The following RASA2 variants were observed in gnomAD, a reference collection of about 807,000 sequenced individuals.
RASA2 encodes RAS p21 protein activator 2.
RASA2 carries 155 observed loss-of-function variants against 118.2 expected under a neutral mutation model. That is an observed-to-expected ratio of 1.31 (90% CI 1.15 to 1.50). The LOEUF (loss-of-function observed/expected upper bound fraction) is 1.50. RASA2 is among the 40% of genes most tolerant of loss of function. The pLI is 0.00. For missense variants in RASA2, 1,016 were observed against 1,009.6 expected (o/e 1.01, Z -0.09); for synonymous variants, 353 against 349.1 (o/e 1.01, Z -0.12).
In RASA2 at chr3:141,489,751, C is replaced by A. The variant is rs181860418; in HGVS notation, c.133+2535C>A. On this transcript the variant is annotated intron_variant, in intron 1 of 23. Transcript: ENST00000286364. The stretch of plus-strand genomic sequence containing the variant: ...TCTTGAATGTTCAAGAGATAATAGT[C>A]CATAACCTTCTTTAGGGATTTCATT... 4.1e-3 allele frequency among the ~76,000 whole-genome samples: 620 copies of A among 152,206 alleles called. 6 individuals carry two copies. Among genetic ancestry groups the A allele is most frequent in the African/African-American group, 0.014 (592 of 41,522 alleles).
intron 1 of RASA2, among the ~76,000 whole-genome samples, chr3:141,497,528 A>G (rs1436628850): frequency 6.6e-6 from 1 of 152,136 alleles, no homozygotes; most frequent in African/African-American, 2.4e-5. Flanking sequence ...AGGTTTTGTA[A>G]CATTTTGAGT....
chr3:141,525,929 A>G (rs2082178655), intron 3 of RASA2: 1 of 152,222 alleles, frequency 6.6e-6, no homozygotes. Context: ...AAGTCATTCT[A>G]ATGCAGAGGA....
At chr3:141,593,651 C>T (rs560684811) in intron 19 of RASA2, among the ~76,000 whole-genome samples, 9 of 152,212 alleles carry the variant, frequency 5.9e-5, no homozygotes, top group African/African-American at 1.7e-4. Flanking sequence ...AGTTTCTGTC[C>T]GCCTCAAAGG....
intron 18 of RASA2, among the ~76,000 whole-genome samples, 166 bp downstream of exon 18, chr3:141,586,264 CA>C (rs1241860096): frequency 1.3e-5 from 2 of 151,882 alleles, no homozygotes; most frequent in African/African-American, 2.4e-5. Flanking sequence ...AACTTTATGG[CA>C]AAAAAGCATG....
chr3:141,574,338 C>T (rs973415094), intron 14 of RASA2, among the ~76,000 whole-genome samples: 7 of 151,900 alleles, frequency 4.6e-5, no homozygotes, highest in South Asian at 2.1e-4. Flanking sequence ...TACAGGCGCC[C>T]GCCACCATGC....
chr3:141,552,599 T>C (rs539658035), intron 5 of RASA2, among the ~76,000 whole-genome samples: 1 of 152,336 alleles, frequency 6.6e-6, no homozygotes, highest in African/African-American at 2.4e-5. Flanking sequence ...AGGGTAAGTT[T>C]TAAGCAGTAT....
At chr3:141,608,169 C>T (rs1420787928) in intron 20 of RASA2, among the ~76,000 whole-genome samples, 4 of 152,134 alleles carry the variant, frequency 2.6e-5, no homozygotes, top group Admixed American at 1.3e-4. Context: ...TTTCCTTGTT[C>T]CTAAATATTT....
chr3:141,522,724 A>G (rs2082129410), intron 3 of RASA2, among the ~76,000 whole-genome samples: 1 of 152,114 alleles, frequency 6.6e-6, no homozygotes, highest in Non-Finnish European at 1.5e-5. Flanking sequence ...TGCTTTTGAT[A>G]CTGTGTGATA....
chr3:141,593,327 A>G (rs1160626158), intron 19 of RASA2, among the ~76,000 whole-genome samples: 2 of 152,084 alleles, frequency 1.3e-5, no homozygotes, highest in South Asian at 4.1e-4. Flanking sequence ...GATTACAGGC[A>G]TGAGCCACTG....
intron 1 of RASA2, among the ~76,000 whole-genome samples, chr3:141,491,337 T>C (rs1270035496): frequency 6.6e-6 from 1 of 152,224 alleles, no homozygotes; most frequent in African/African-American, 2.4e-5. Context: ...GTGCCATCTC[T>C]GGCCAGCATC....
At chr3:141,603,557 G>A (rs1332933009) in intron 19 of RASA2, among the ~76,000 whole-genome samples, 1 of 151,818 alleles carries the variant, frequency 6.6e-6, no homozygotes, top group Non-Finnish European at 1.5e-5. Context: ...GGTGATGAGA[G>A]CAAAACTCTG....
intron 4 of RASA2, among the ~76,000 whole-genome samples, chr3:141,537,081 G>T (rs1577700076): frequency 6.6e-6 from 1 of 152,100 alleles, no homozygotes; most frequent in South Asian, 2.1e-4. Context: ...TTCTTCGTAG[G>T]TTCTTTATTT....
rs1425469180 is a variant in RASA2 at position 141,608,560 on chromosome 3, G to T, written c.2088G>T (p.Trp696Cys). ...QANNCVEANE[W>C]IDVLCRVSRC... ...ATAACTGTGTAGAAGCTAATGAATG[G>T]ATAGACGTACTCTGCAGGGTGAGCC... Residue 696 changes from tryptophan (W) to cysteine (C), a missense_variant, in exon 21 of 24, where the codon TGG (tryptophan) becomes TGT (cysteine). Coordinates refer to ENST00000286364, the MANE Select transcript of RASA2 (RefSeq NM_006506.5). 3 of 1,613,870 alleles carry T rather than the reference G, an allele frequency of 1.9e-6. No homozygotes were observed. The highest frequency in any genetic ancestry group is 2.5e-6 in the Non-Finnish European group (3 of 1,179,922).
At chr3:141,589,734 G>A (rs758297057) in intron 19 of RASA2, among the ~76,000 whole-genome samples, 4 of 152,034 alleles carry the variant, frequency 2.6e-5, no homozygotes, top group Non-Finnish European at 4.4e-5. Flanking sequence ...CCAGCTACTT[G>A]GGAGGCTGAG....
rs201964495 is a variant in RASA2 at position 141,559,964 on chromosome 3, G to A, written c.832G>A (p.Val278Ile). Reference sequence around the variant, plus strand: ...AGGTGAGATTAAGGTTCCTGTGAACGTATTAAGAACTGATTCCTCTCATCA... The same window carrying A: ...AGGTGAGATTAAGGTTCCTGTGAACATATTAAGAACTGATTCCTCTCATCA... Reference protein sequence around the residue: ...FLGEIKVPVNVLRTDSSHQAW... With the variant: ...FLGEIKVPVNILRTDSSHQAW... The change falls in exon 9 of 24, where the codon GTA becomes ATA. Residue 278 changes from valine to isoleucine, a missense_variant. Transcript: ENST00000286364. 10 of 1,613,102 alleles carry A rather than the reference G, an allele frequency of 6.2e-6. No homozygotes were observed. Among genetic ancestry groups the A allele is most frequent in the South Asian group, 1.1e-5 (1 of 91,050 alleles).
At chr3:141,561,691 A>G (rs2082731944) in intron 9 of RASA2, among the ~76,000 whole-genome samples, 1 of 152,200 alleles carries the variant, frequency 6.6e-6, no homozygotes, top group African/African-American at 2.4e-5. Flanking sequence ...TACCCTCAGG[A>G]TTTCAGGCAA....
intron 4 of RASA2, among the ~76,000 whole-genome samples, chr3:141,531,728 A>AAT (rs2082263657): frequency 1.3e-5 from 2 of 152,018 alleles, no homozygotes; most frequent in Non-Finnish European, 2.9e-5. Context: ...TACTTACTTA[A>AAT]TAAGATTTGC....
At chr3:141,497,494 G>A (rs2081720843) in intron 1 of RASA2, among the ~76,000 whole-genome samples, 1 of 152,056 alleles carries the variant, frequency 6.6e-6, no homozygotes, top group African/African-American at 2.4e-5. Context: ...TATCCTATCT[G>A]CAAAACAAGA....
intron 3 of RASA2, among the ~76,000 whole-genome samples, chr3:141,528,504 C>A (rs868047265): frequency 4.6e-5 from 7 of 151,924 alleles, no homozygotes; most frequent in Admixed American, 6.6e-5. Flanking sequence ...GTTCTTGTAA[C>A]TTTTCTCTGT....
Sources: gnomAD v4.1 joint callset for allele counts (sites outside exome capture counted in the v4.1 genomes callset) on GRCh38, gnomAD v4.1.1 for gene constraint, MANE v1.5 for transcripts, NCBI Gene and HGNC (gene_info 2026-07-23, HGNC 2026-07-21) for gene names.